Variants in MYO3A observed in about 807,000 individuals in gnomAD.
MYO3A encodes the protein myosin-IIIa.
In MYO3A, 180 loss-of-function variants were observed where a neutral mutation model predicts 192.7. The ratio of observed to expected loss-of-function variants is 0.93; its 90% confidence interval spans 0.83 to 1.06. The LOEUF (loss-of-function observed/expected upper bound fraction) is 1.06, where lower values mean the gene tolerates loss of function less well. Among genes scored for constraint, MYO3A ranks in the 50% least tolerant of loss-of-function variants. The probability of loss-of-function intolerance (pLI) is 0.00; values close to 1 mark genes in which losing one functional copy is unlikely to be tolerated. For missense variants in MYO3A, 1,896 were observed against 1,905.0 expected (o/e 1.00, Z 0.09); for synonymous variants, 628 against 645.3 (o/e 0.97, Z 0.41).
chr10:26,166,442 C>T (rs572492842), intron 27 of MYO3A, among the ~76,000 whole-genome samples: 203 of 152,112 alleles, frequency 1.3e-3, no homozygotes, highest in Non-Finnish European at 2.2e-3. Context: ...TTTGGAAGGC[C>T]GAGGTGGGAG....
chr10:26,145,766 T>A (rs951424267), intron 22 of MYO3A, among the ~76,000 whole-genome samples: 2 of 152,240 alleles, frequency 1.3e-5, no homozygotes, highest in African/African-American at 4.8e-5. Context: ...GCTTCTAGCA[T>A]CTATGCTGAA....
chr10:26,057,274 T>G (rs1439186582), intron 10 of MYO3A, among the ~76,000 whole-genome samples: 2 of 152,184 alleles, frequency 1.3e-5, no homozygotes, highest in Non-Finnish European at 2.9e-5. Context: ...GATGGTAGAC[T>G]TGATCAACTG....
Position 26,153,896 on chromosome 10 carries a change from G to T in MYO3A, c.2682G>T (p.Met894Ile). ...CTAAAAATGTTATAAACTATCAAAT[G>T]AGGACTTCAGAAAAATTAATCAACC... is the stretch of plus-strand genomic sequence containing the variant. ...SKTKNVINYQ[M>I]RTSEKLINLA... Residue 894 changes from methionine (M) to isoleucine (I), a missense_variant, in exon 24 of 35, where the codon ATG (methionine) becomes ATT (isoleucine). Physicochemically the swap from Met to Ile is conservative, Grantham distance 10. Coordinates refer to ENST00000642920, the MANE Select transcript of MYO3A (RefSeq NM_017433.5). 1 of 1,595,694 alleles carries T rather than the reference G, an allele frequency of 6.3e-7. No homozygotes were observed. Among genetic ancestry groups the T allele is most frequent in the South Asian group, 1.1e-5 (1 of 90,686 alleles).
chr10:26,042,865 G>A (rs59085026), intron 10 of MYO3A, among the ~76,000 whole-genome samples: 24,738 of 152,102 alleles, frequency 0.16, 2,305 homozygotes, highest in Non-Finnish European at 0.21. Context: ...TAGTTTTGAT[G>A]CTTGTGGACA....
Position 26,110,079 on chromosome 10 carries a change from T to C in MYO3A, c.1777-10597T>C, listed in dbSNP as rs1276611328. Among the ~76,000 whole-genome samples, 4 of 152,154 alleles carry C rather than the reference T, an allele frequency of 2.6e-5. No individual in the cohort carries two copies. In the East Asian group the frequency reaches 7.7e-4, roughly 29 times the overall value. On this transcript the variant is annotated intron_variant, in intron 17 of 34. Coordinates refer to ENST00000642920, the MANE Select transcript of MYO3A (RefSeq NM_017433.5). The stretch of plus-strand genomic sequence containing the variant: ...TTGAATGCATCCTTAGGAAGACACT[T>C]TACTCGCAAAAAGTCGTGAGCTGAA...
Position 26,070,133 on chromosome 10 carries a change from C to T in MYO3A, c.1193C>T (p.Ser398Leu). 1 of 1,610,866 alleles carries T rather than the reference C, an allele frequency of 6.2e-7. No individual in the cohort carries two copies. Among genetic ancestry groups the T allele is most frequent in the Non-Finnish European group, 8.5e-7 (1 of 1,177,258 alleles). The change falls in exon 13 of 35, where the codon TCA becomes TTA. Residue 398 changes from serine to leucine, a missense_variant. Coordinates refer to ENST00000642920, the MANE Select transcript of MYO3A (RefSeq NM_017433.5). ...STKHSKLYIG[S>L]KRTASPPHIF... ...TAGCATTCCAAACTATATATTGGAT[C>T]AAAGAGAACTGCCAGTCCTCCTCAC...
Position 26,021,509 on chromosome 10 carries a change from GCA to G in MYO3A, c.593_594del (p.Ala198ValfsTer2). ...TGGTGTGGTTTTCTACTAGGTGATTGCATGTGAACAGCAATTGGATACCACTT... is the reference window on the plus strand; with the variant it reads ...TGGTGTGGTTTTCTACTAGGTGATTGTGTGAACAGCAATTGGATACCACTT... ...TPFWMAPEVI[A>X]CEQQLDTTYD... is the part of the protein sequence containing the mutation. On this transcript the variant is annotated frameshift_variant, in exon 8 of 35. Transcript: ENST00000642920. LOFTEE classifies it high-confidence loss of function. 1.2e-6 allele frequency: 2 copies of G among 1,614,018 alleles called. No homozygotes were observed. The highest frequency in any genetic ancestry group is 1.7e-6 in the Non-Finnish European group (2 of 1,179,890).
At chr10:26,035,940 CTT>C (rs893391638) in intron 10 of MYO3A, among the ~76,000 whole-genome samples, 1 of 146,890 alleles carries the variant, frequency 6.8e-6, no homozygotes, top group Non-Finnish European at 1.5e-5. Context: ...TTGCCTAAGA[CTT>C]TTTTTTTTTG....
At chr10:26,075,424 C>T (rs935388404) in intron 14 of MYO3A, among the ~76,000 whole-genome samples, 6 of 151,540 alleles carry the variant, frequency 4.0e-5, no homozygotes, top group African/African-American at 1.5e-4. Context: ...ATCCCTTGCC[C>T]TGCTCCAGTT....
intron 29 of MYO3A, among the ~76,000 whole-genome samples, chr10:26,171,126 A>C (rs775410070): frequency 1.4e-4 from 22 of 152,172 alleles, no homozygotes; most frequent in Non-Finnish European, 2.8e-4. Context: ...CTGCTATAAA[A>C]ATAGGCAAAG....
At chr10:26,090,511 C>G (rs180947323) in intron 15 of MYO3A, among the ~76,000 whole-genome samples, 4 of 152,296 alleles carry the variant, frequency 2.6e-5, no homozygotes, top group Admixed American at 2.6e-4. Flanking sequence ...AATTCACAAT[C>G]AAGTGGAAAT....
At chr10:26,132,759 C>T (rs1839614750) in intron 20 of MYO3A, among the ~76,000 whole-genome samples, 1 of 151,914 alleles carries the variant, frequency 6.6e-6, no homozygotes, top group African/African-American at 2.4e-5. Flanking sequence ...GGGTTTGGAA[C>T]TGAATGTCAG....
Position 26,143,566 on chromosome 10 carries a change from G to A in MYO3A, c.2381G>A (p.Ser794Asn). 1 of 1,614,036 alleles carries A rather than the reference G, an allele frequency of 6.2e-7. No individual in the cohort carries two copies. The highest frequency in any genetic ancestry group is 8.5e-7 in the Non-Finnish European group (1 of 1,179,974). The change falls in exon 21 of 35, where the codon AGT (serine) becomes AAT (asparagine). Residue 794 changes from serine (S) to asparagine (N), a missense_variant. Transcript: ENST00000642920. The stretch of plus-strand genomic sequence containing the variant: ...TTACTTTCCCTACTTGATGAAGAAA[G>A]TAGATTTCCCAAGGCCACTGACCAG... ...MGLLSLLDEE[S>N]RFPKATDQTL...
chr10:26,016,047 C>T (rs1453311197), intron 6 of MYO3A, among the ~76,000 whole-genome samples: 1 of 152,040 alleles, frequency 6.6e-6, no homozygotes, highest in Non-Finnish European at 1.5e-5. Context: ...GGTAGGAGCT[C>T]TGTACAGTCA....
In MYO3A at chr10:26,145,511, G is replaced by A; in HGVS notation, c.2482G>A (p.Gly828Arg). ...ACCCAAAAGAATGGAACTTAGTTTT[G>A]GAATTCACCATTATGCAGGAAAGGT... ...WRPKRMELSF[G>R]IHHYAGKVLY... Residue 828 changes from glycine to arginine, a missense_variant, in exon 22 of 35, where the codon GGA (glycine) becomes AGA (arginine). Gly to Arg is a moderately radical substitution (Grantham distance 125). Coordinates refer to ENST00000642920, the MANE Select transcript of MYO3A (RefSeq NM_017433.5). 6.2e-7 allele frequency: 1 copy of A among 1,606,808 alleles called. No individual in the cohort carries two copies. The highest frequency in any genetic ancestry group is 8.5e-7 in the Non-Finnish European group (1 of 1,173,566).
chr10:26,118,055 T>C (rs1838625011), intron 17 of MYO3A, among the ~76,000 whole-genome samples: 1 of 152,202 alleles, frequency 6.6e-6, no homozygotes, highest in African/African-American at 2.4e-5. Context: ...TGAGATGGTA[T>C]CTGATTGTGG....
At chr10:26,027,908 A>G (rs1842629132) in intron 10 of MYO3A, among the ~76,000 whole-genome samples, 1 of 152,314 alleles carries the variant, frequency 6.6e-6, no homozygotes, top group South Asian at 2.1e-4. Flanking sequence ...CTGTTTTCTT[A>G]AGATAAATTT....
intron 24 of MYO3A, 31 bp from the exon 25 acceptor site, chr10:26,154,715 A>G: frequency 6.3e-7 from 1 of 1,590,728 alleles, no homozygotes; most frequent in Non-Finnish European, 8.6e-7. Context: ...AATAGATACC[A>G]AGGCATCACT....
At chr10:26,115,863 T>C (rs1409374730) in intron 17 of MYO3A, among the ~76,000 whole-genome samples, 3 of 152,152 alleles carry the variant, frequency 2.0e-5, no homozygotes, top group African/African-American at 7.2e-5. Flanking sequence ...GTAAATCAAG[T>C]TGTTTTACAT....
Sources: allele counts gnomAD v4.1 joint callset (sites outside exome capture counted in the v4.1 genomes callset), GRCh38; gene constraint gnomAD v4.1.1; transcripts MANE v1.5; gene names NCBI Gene and HGNC (gene_info 2026-07-23, HGNC 2026-07-21).